The following ZNF804B variants were observed in gnomAD, a reference collection of about 807,000 sequenced individuals.
ZNF804B encodes the protein zinc finger 804B.
In ZNF804B, 80 loss-of-function variants were observed where a neutral mutation model predicts 101.4. That is an observed-to-expected ratio of 0.79 (90% CI 0.66 to 0.95). The LOEUF is 0.95. ZNF804B is among the 40% of genes least tolerant of loss of function. The probability of loss-of-function intolerance (pLI) is 0.00; values close to 1 mark genes in which losing one functional copy is unlikely to be tolerated. For synonymous variants in ZNF804B, 622 were observed against 558.8 expected (o/e 1.11, Z -1.59); for missense variants, 1,673 against 1,561.9 (o/e 1.07, Z -1.20).
At chr7:89,175,151 C>A (rs1369482933) in intron 1 of ZNF804B, among the ~76,000 whole-genome samples, 1 of 151,950 alleles carries the variant, frequency 6.6e-6, no homozygotes, top group Non-Finnish European at 1.5e-5. Context: ...AAATCTTTGC[C>A]CAGACTAATG....
intron 1 of ZNF804B, among the ~76,000 whole-genome samples, chr7:89,152,383 T>C (rs1467272016): frequency 1.3e-5 from 2 of 152,018 alleles, no homozygotes; most frequent in East Asian, 3.9e-4. Flanking sequence ...TAGGTCTTTT[T>C]AAGGAAACAG....
intron 1 of ZNF804B, among the ~76,000 whole-genome samples, chr7:88,805,997 A>T (rs1790679820): frequency 2.0e-5 from 3 of 151,774 alleles, no homozygotes; most frequent in African/African-American, 7.3e-5. Flanking sequence ...GGAAGTTTTA[A>T]GTGCCACATT....
intron 2 of ZNF804B, among the ~76,000 whole-genome samples, chr7:89,220,002 T>C (rs144099968): frequency 0.039 from 1,076 of 27,566 alleles, 186 homozygotes; most frequent in Admixed American, 0.09. Flanking sequence ...TATATGTATA[T>C]GCACATATAT....
intron 1 of ZNF804B, among the ~76,000 whole-genome samples, chr7:88,896,715 T>A (rs1792290470): frequency 1.3e-5 from 2 of 152,222 alleles, no homozygotes; most frequent in South Asian, 4.1e-4. Flanking sequence ...AAATAAATAA[T>A]TGGAATGCTA....
chr7:88,771,486 TA>T (rs1372320790), intron 1 of ZNF804B, among the ~76,000 whole-genome samples: 1 of 152,088 alleles, frequency 6.6e-6, no homozygotes, highest in Non-Finnish European at 1.5e-5. Flanking sequence ...GGAATTTTAG[TA>T]AAGAACACAC....
chr7:89,260,476 C>G (rs1372760410), intron 2 of ZNF804B, among the ~76,000 whole-genome samples: 1 of 151,992 alleles, frequency 6.6e-6, no homozygotes, highest in Non-Finnish European at 1.5e-5. Flanking sequence ...AGTTGTTTCC[C>G]CTGCTGTCTT....
intron 1 of ZNF804B, among the ~76,000 whole-genome samples, chr7:88,785,708 C>T (rs189361013): frequency 6.6e-6 from 1 of 152,060 alleles, no homozygotes; most frequent in African/African-American, 2.4e-5. Flanking sequence ...TTCAGTTCTC[C>T]CAACACAGTA....
intron 2 of ZNF804B, among the ~76,000 whole-genome samples, chr7:89,269,967 C>T (rs1370300973): frequency 1.3e-5 from 2 of 152,028 alleles, no homozygotes; most frequent in South Asian, 2.1e-4. Flanking sequence ...GATATTAGCC[C>T]TTTGTCAGAT....
At chr7:88,864,421 G>T (rs931415323) in intron 1 of ZNF804B, among the ~76,000 whole-genome samples, 2 of 152,130 alleles carry the variant, frequency 1.3e-5, no homozygotes, top group African/African-American at 4.8e-5. Context: ...CAATCTCAGG[G>T]CCAGGCAAAT....
chr7:88,932,619 C>A (rs1046358848), intron 1 of ZNF804B, among the ~76,000 whole-genome samples: 4 of 151,648 alleles, frequency 2.6e-5, no homozygotes, highest in African/African-American at 7.3e-5. Context: ...CTGTGAACAC[C>A]TTTATGCACA....
At chr7:89,291,164 G>A (rs755493306) in intron 2 of ZNF804B, among the ~76,000 whole-genome samples, 1 of 152,104 alleles carries the variant, frequency 6.6e-6, no homozygotes, top group Non-Finnish European at 1.5e-5. Flanking sequence ...AGAAGGGCAG[G>A]TATGAAGAAG....
At chr7:88,808,942 A>G (rs1047823597) in intron 1 of ZNF804B, among the ~76,000 whole-genome samples, 2 of 152,220 alleles carry the variant, frequency 1.3e-5, no homozygotes, top group African/African-American at 4.8e-5. Flanking sequence ...ATCCCAGATC[A>G]ATATAGATCT....
chr7:88,786,780 A>G (rs1365381964), intron 1 of ZNF804B, among the ~76,000 whole-genome samples: 1 of 152,174 alleles, frequency 6.6e-6, no homozygotes, highest in Non-Finnish European at 1.5e-5. Flanking sequence ...AAATATTGAT[A>G]ATGGCCTGTT....
At chr7:88,845,301 G>GCGCACACA (rs1554339289) in intron 1 of ZNF804B, among the ~76,000 whole-genome samples, 1,886 of 150,014 alleles carry the variant, frequency 0.013, 15 homozygotes, top group Non-Finnish European at 0.019. Flanking sequence ...GCACGCGCGC[G>GCGCACACA]CACACACACA....
chr7:89,092,408 G>GTTTTTTTTTTT (rs71120056), intron 1 of ZNF804B, among the ~76,000 whole-genome samples: 3 of 93,840 alleles, frequency 3.2e-5, no homozygotes, highest in African/African-American at 4.1e-5. Context: ...TTTCTTTTCT[G>GTTTTTTTTTTT]TTTTTTTTTT....
At chr7:88,871,038 T>G (rs1217574409) in intron 1 of ZNF804B, among the ~76,000 whole-genome samples, 1 of 152,198 alleles carries the variant, frequency 6.6e-6, no homozygotes, top group African/African-American at 2.4e-5. Context: ...ATTTTTCTAT[T>G]AAAAGATTGA....
chr7:88,963,629 C>T lies in ZNF804B; in HGVS notation c.108+203545C>T, dbSNP rs1326371376. Among the ~76,000 whole-genome samples the T allele has an allele frequency of 2.0e-5, 3 of 151,214 alleles. 1 individual carries two copies. Among genetic ancestry groups the T allele is most frequent in the Non-Finnish European group, 3.0e-5 (2 of 67,516 alleles). The stretch of plus-strand genomic sequence containing the variant: ...ATTGCATTTGCCTGTTATTTCTTTG[C>T]TATGACTCCAAAGATAAAGGCAACA... On this transcript the variant is annotated intron_variant, in intron 1 of 3. Transcript: ENST00000333190.
At chr7:89,015,931 G>A (rs1788547762) in intron 1 of ZNF804B, among the ~76,000 whole-genome samples, 1 of 151,308 alleles carries the variant, frequency 6.6e-6, no homozygotes, top group Admixed American at 6.6e-5. Context: ...CACAATGGTT[G>A]AACTAGTTTA....
chr7:88,895,249 A>T (rs1792268299), intron 1 of ZNF804B, among the ~76,000 whole-genome samples: 1 of 152,262 alleles, frequency 6.6e-6, no homozygotes, highest in Admixed American at 6.5e-5. Context: ...CTATACTTGT[A>T]CATGGAAGTG....
Sources: gnomAD v4.1 joint callset for allele counts (sites outside exome capture counted in the v4.1 genomes callset) on GRCh38, gnomAD v4.1.1 for gene constraint, MANE v1.5 for transcripts, NCBI Gene and HGNC (gene_info 2026-07-23, HGNC 2026-07-21) for gene names.